Variants in KANSL3 observed in about 807,000 individuals in gnomAD.
KANSL3 encodes the protein NSL complex protein NSL3.
A neutral mutation model predicts 89.2 loss-of-function variants in KANSL3; 16 were observed. The ratio of observed to expected loss-of-function variants is 0.18; its 90% CI spans 0.12 to 0.27. The LOEUF is 0.27. KANSL3 is among the 10% of genes least tolerant of loss of function. The pLI is 1.00. For missense variants in KANSL3, 879 were observed against 1,110.6 expected (o/e 0.79, Z 2.96); for synonymous variants, 385 against 419.7 (o/e 0.92, Z 1.01).
chr2:96,637,791 C>A (rs1428633339), intron 1 of KANSL3, among the ~76,000 whole-genome samples: 3 of 152,208 alleles, frequency 2.0e-5, no homozygotes, highest in Non-Finnish European at 4.4e-5. Flanking sequence ...ACTGCCCCCC[C>A]AACAAAGCCT....
chr2:96,634,594 T>C (rs2073987702), intron 2 of KANSL3, among the ~76,000 whole-genome samples: 1 of 152,200 alleles, frequency 6.6e-6, no homozygotes, highest in Admixed American at 6.5e-5. Flanking sequence ...GCACCAACTT[T>C]GTCACCCCAA....
At chr2:96,601,834 GCTTTC>G in intron 19 of KANSL3, 58 bp from the exon 20 acceptor site, 1 of 1,496,140 alleles carries the variant, frequency 6.7e-7, no homozygotes, top group South Asian at 1.4e-5. Context: ...TTCTACTGAG[GCTTTC>G]CTTTCCTGGA....
At chr2:96,584,205 G>A in the KANSL3 span, among the ~76,000 whole-genome samples, 3,252 of 152,182 alleles carry the variant, frequency 0.021, 130 homozygotes, top group African/African-American at 0.072. Context: ...AGGCTGGAGT[G>A]CAGTGGTGAC....
intron 9 of KANSL3, among the ~76,000 whole-genome samples, chr2:96,611,855 T>C (rs1198416750): frequency 6.6e-6 from 1 of 151,276 alleles, no homozygotes; most frequent in Non-Finnish European, 1.5e-5. Flanking sequence ...TACTTATGTT[T>C]AGAGAAAAAA....
intron 20 of KANSL3, chr2:96,598,024 A>C: frequency 2.7e-5 from 20 of 753,546 alleles, no homozygotes; most frequent in South Asian, 6.0e-5. Flanking sequence ...AATGACCTCT[A>C]CTCTCTTCTC....
intron 14 of KANSL3, 60 bp downstream of exon 14, chr2:96,608,448 C>A: frequency 6.4e-7 from 1 of 1,561,510 alleles, no homozygotes; most frequent in South Asian, 1.1e-5. Flanking sequence ...TGTGCAACTG[C>A]CATGTGACAT....
At chr2:96,615,543 AC>A in intron 5 of KANSL3, 1 of 1,283,934 alleles carries the variant, frequency 7.8e-7, no homozygotes. Flanking sequence ...GGTCAAAATG[AC>A]CTAGGGGAAA....
At chr2:96,583,532 G>A in the KANSL3 span, among the ~76,000 whole-genome samples, 1 of 152,026 alleles carries the variant, frequency 6.6e-6, no homozygotes, top group Non-Finnish European at 1.5e-5. Context: ...TAGTCTTTTG[G>A]GTCCAGCTTC....
downstream of KANSL3, among the ~76,000 whole-genome samples, chr2:96,589,447 G>C (rs1465070443): frequency 6.6e-6 from 1 of 152,090 alleles, no homozygotes; most frequent in Non-Finnish European, 1.5e-5. Flanking sequence ...AAAACCAACA[G>C]GGACAGAGGG....
At chr2:96,625,090 A>G (rs1039894770) in intron 3 of KANSL3, among the ~76,000 whole-genome samples, 1 of 152,004 alleles carries the variant, frequency 6.6e-6, no homozygotes, top group Non-Finnish European at 1.5e-5. Flanking sequence ...CGAGCCTGTA[A>G]CCCCAGCTAC....
chr2:96,597,752 G>A (rs756442821), intron 20 of KANSL3, among the ~76,000 whole-genome samples: 3 of 151,952 alleles, frequency 2.0e-5, no homozygotes, highest in Admixed American at 6.6e-5. Flanking sequence ...ACAGGTGCAC[G>A]CCACCACATC....
At chr2:96,602,063 T>TG in intron 19 of KANSL3, 53 bp downstream of exon 19, 1 of 1,502,932 alleles carries the variant, frequency 6.7e-7, no homozygotes, top group Non-Finnish European at 9.0e-7. Flanking sequence ...GGGAAGGTCC[T>TG]GGGGGAAAGA....
Position 96,595,607 on chromosome 2 carries a change from A to T in KANSL3, c.*4T>A. On this transcript the variant is annotated 3_prime_UTR_variant, in exon 21 of 21. Transcript: ENST00000431828. ...TGGTAAGGAGGACATATCACACAGC[A>T]TCTTCAGGGTGCTGGAGGCAGGCGC... The T allele has an allele frequency of 6.2e-7, 1 of 1,613,802 alleles. No individual in the cohort carries two copies. Among genetic ancestry groups the T allele is most frequent in the Non-Finnish European group, 8.5e-7 (1 of 1,179,784 alleles).
chr2:96,600,853 T>A, intron 20 of KANSL3: 2 of 985,304 alleles, frequency 2.0e-6, no homozygotes, highest in Non-Finnish European at 2.4e-6. Flanking sequence ...TGCTAAGATA[T>A]GGGAAGGCAC....
intron 20 of KANSL3, chr2:96,600,696 G>C (rs2067053215): frequency 1.0e-6 from 1 of 985,290 alleles, no homozygotes; most frequent in African/African-American, 1.7e-5. Flanking sequence ...TAATCTTTGA[G>C]TGGCTCCTCA....
intron 3 of KANSL3, chr2:96,627,953 T>A (rs1297617540): frequency 7.8e-7 from 1 of 1,289,824 alleles, no homozygotes; most frequent in Non-Finnish European, 1.0e-6. Flanking sequence ...CTGCTGCCAA[T>A]GAGAGAAGGC....
chr2:96,628,244 A>C, intron 3 of KANSL3: 1 of 985,186 alleles, frequency 1.0e-6, no homozygotes, highest in South Asian at 4.7e-5. Context: ...CTCTCCACTC[A>C]TCTATTCACT....
chr2:96,580,785 A>T, the KANSL3 span, among the ~76,000 whole-genome samples: 18 of 152,242 alleles, frequency 1.2e-4, no homozygotes. Flanking sequence ...AAATAATGTT[A>T]GGTTTCCTAT....
chr2:96,637,209 G>A (rs2074363878), intron 1 of KANSL3, 24 bp from the exon 2 acceptor site: 4 of 944,310 alleles, frequency 4.2e-6, no homozygotes, highest in African/African-American at 1.6e-5. Context: ...TTTCAGTTTA[G>A]GTCAATTCCA....
Sources: allele counts gnomAD v4.1 joint callset (sites outside exome capture counted in the v4.1 genomes callset), GRCh38; gene constraint gnomAD v4.1.1; transcripts MANE v1.5; gene names NCBI Gene and HGNC (gene_info 2026-07-23, HGNC 2026-07-21).